The following SMYD3 variants were observed in gnomAD, a reference collection of about 807,000 sequenced individuals.
SMYD3 encodes histone-lysine N-methyltransferase SMYD3.
In SMYD3, 36 loss-of-function variants were observed where a neutral mutation model predicts 57.7. That is an observed-to-expected ratio of 0.62 (90% CI 0.48 to 0.82). The LOEUF is 0.82. Among genes scored for constraint, SMYD3 ranks in the 40% least tolerant of loss-of-function variants. The pLI, the probability that SMYD3 is intolerant of heterozygous loss-of-function variation, is 0.00. For missense variants in SMYD3, 515 were observed against 538.8 expected (o/e 0.96, Z 0.44); for synonymous variants, 211 against 195.0 (o/e 1.08, Z -0.68).
intron 1 of SMYD3, among the ~76,000 whole-genome samples, chr1:246,380,709 A>G (rs1253446002): frequency 6.6e-6 from 1 of 152,260 alleles, no homozygotes; most frequent in Non-Finnish European, 1.5e-5. Flanking sequence ...AGGAACAGCA[A>G]TAATGCTCAC....
At position 246,345,871 on chromosome 1, in the gene SMYD3, A is replaced by G. The variant is rs542660423; in HGVS notation, c.228+9160T>C. Among the ~76,000 whole-genome samples the G allele has an allele frequency of 3.3e-5, 5 of 152,220 alleles. No homozygotes were observed. In the East Asian group the frequency reaches 9.7e-4, roughly 29 times the overall value. On this transcript the variant is annotated intron_variant, in intron 2 of 11. Coordinates refer to ENST00000490107, the MANE Select transcript of SMYD3 (RefSeq NM_001167740.2). Reference sequence around the variant, plus strand: ...GCCAGGTACCAGGCAAACAGAGACCACCCTTAAACCCCAGGATCCCCTGAT... The same window carrying G: ...GCCAGGTACCAGGCAAACAGAGACCGCCCTTAAACCCCAGGATCCCCTGAT...
chr1:246,296,920 G>T lies in SMYD3; in HGVS notation c.531+30281C>A, dbSNP rs181911353. Among the ~76,000 whole-genome samples, 111 of 152,254 alleles carry T rather than the reference G, an allele frequency of 7.3e-4. No homozygotes were observed. In the East Asian group the frequency reaches 0.017, roughly 24 times the overall value. On this transcript the variant is annotated intron_variant, in intron 5 of 11. Transcript: ENST00000490107. ...CACAGAGATTCTGAAAATGCTTCTA[G>T]GTTGAGGAACTTAGGTAGAGGAAGC...
chr1:245,825,678 T>A (rs1403727973), intron 10 of SMYD3, among the ~76,000 whole-genome samples: 6 of 152,138 alleles, frequency 3.9e-5, no homozygotes, highest in Non-Finnish European at 8.8e-5. Flanking sequence ...GAAGCCCCTG[T>A]GAGAGAGGAA....
chr1:245,849,006 A>G (rs982054350), intron 10 of SMYD3, among the ~76,000 whole-genome samples: 5 of 152,192 alleles, frequency 3.3e-5, no homozygotes, highest in South Asian at 2.1e-4. Context: ...AGAGTTCAGG[A>G]AGCCTTTTAG....
At chr1:246,260,421 C>CTTT (rs774264479) in intron 5 of SMYD3, among the ~76,000 whole-genome samples, 8 of 150,030 alleles carry the variant, frequency 5.3e-5, no homozygotes, top group Non-Finnish European at 1.0e-4. Context: ...TCCCATTTTC[C>CTTT]TTTTGTTGTT....
chr1:246,460,273 A>T (rs939640917), intron 1 of SMYD3, among the ~76,000 whole-genome samples: 1 of 152,128 alleles, frequency 6.6e-6, no homozygotes, highest in Non-Finnish European at 1.5e-5. Context: ...TCAATTACCA[A>T]TTTATTCAAA....
chr1:245,842,520 T>C (rs765467987), intron 10 of SMYD3, among the ~76,000 whole-genome samples: 6 of 152,174 alleles, frequency 3.9e-5, no homozygotes, highest in Non-Finnish European at 7.3e-5. Flanking sequence ...GGAAGTCATA[T>C]GCTTGTACTA....
chr1:245,862,890 C>A (rs898081496), intron 9 of SMYD3, among the ~76,000 whole-genome samples: 1 of 152,184 alleles, frequency 6.6e-6, no homozygotes, highest in African/African-American at 2.4e-5. Flanking sequence ...ATCCTAGATT[C>A]TTTACCCAAG....
chr1:246,111,165 A>T (rs539227855), intron 5 of SMYD3, among the ~76,000 whole-genome samples: 76 of 152,248 alleles, frequency 5.0e-4, no homozygotes, highest in African/African-American at 1.8e-3. Flanking sequence ...ATAGTTCATT[A>T]TAAGTTTCAT....
At chr1:246,107,035 C>T (rs986511912) in intron 5 of SMYD3, among the ~76,000 whole-genome samples, 1 of 151,934 alleles carries the variant, frequency 6.6e-6, no homozygotes, top group Non-Finnish European at 1.5e-5. Flanking sequence ...CACGGTGGCT[C>T]ACGCCTGTAA....
intron 5 of SMYD3, among the ~76,000 whole-genome samples, chr1:245,968,418 A>G (rs1231658731): frequency 1.3e-5 from 2 of 151,932 alleles, no homozygotes; most frequent in Non-Finnish European, 2.9e-5. Context: ...TGGAATGACA[A>G]CTCTCCTTCA....
chr1:245,994,684 A>G (rs903207876), intron 5 of SMYD3, among the ~76,000 whole-genome samples: 4 of 152,104 alleles, frequency 2.6e-5, no homozygotes, highest in African/African-American at 7.2e-5. Context: ...TTTATGCCTT[A>G]GTTAAGAGCA....
chr1:245,909,041 G>A (rs1240215333), intron 8 of SMYD3, among the ~76,000 whole-genome samples: 1 of 151,140 alleles, frequency 6.6e-6, no homozygotes, highest in Non-Finnish European at 1.5e-5. Flanking sequence ...TTTTTGAAAA[G>A]ATAAACAAAA....
intron 10 of SMYD3, among the ~76,000 whole-genome samples, chr1:245,818,756 A>G (rs551395173): frequency 0.096 from 14,571 of 152,106 alleles, 2,319 homozygotes; most frequent in African/African-American, 0.33. Flanking sequence ...CTAGTCTGAT[A>G]AAACAGACTT....
intron 5 of SMYD3, among the ~76,000 whole-genome samples, chr1:246,023,807 C>CTGTG (rs201726897): frequency 0.084 from 11,756 of 139,484 alleles, 501 homozygotes; most frequent in Non-Finnish European, 0.091. Flanking sequence ...TATTACAAAA[C>CTGTG]TGTGTGTGTG....
At chr1:246,461,528 T>G (rs1316318162) in intron 1 of SMYD3, among the ~76,000 whole-genome samples, 2 of 152,068 alleles carry the variant, frequency 1.3e-5, no homozygotes, top group Non-Finnish European at 2.9e-5. Context: ...TTCCATGTGT[T>G]TTCAAAAACA....
At chr1:245,870,384 C>T (rs1305269416) in intron 8 of SMYD3, among the ~76,000 whole-genome samples, 2 of 152,174 alleles carry the variant, frequency 1.3e-5, no homozygotes, top group East Asian at 1.9e-4. Context: ...TCCGGACCCA[C>T]GCTTTCTGAC....
chr1:246,012,894 A>C (rs2059309005), intron 5 of SMYD3, among the ~76,000 whole-genome samples: 1 of 152,204 alleles, frequency 6.6e-6, no homozygotes. Context: ...GAGAAATCTT[A>C]ATTCACATCA....
intron 1 of SMYD3, among the ~76,000 whole-genome samples, chr1:246,505,398 A>C (rs2068521096): frequency 2.0e-5 from 3 of 150,764 alleles, no homozygotes; most frequent in African/African-American, 7.5e-5. Context: ...GGTTGAGAGA[A>C]TCACTCTCCA....
Sources: allele counts gnomAD v4.1 joint callset (sites outside exome capture counted in the v4.1 genomes callset), GRCh38; gene constraint gnomAD v4.1.1; transcripts MANE v1.5; gene names NCBI Gene and HGNC (gene_info 2026-07-23, HGNC 2026-07-21).